The following SNX13 variants were observed in gnomAD, a reference collection of about 807,000 sequenced individuals.
SNX13 encodes the protein sorting nexin-13.
SNX13 carries 45 observed loss-of-function variants against 133.6 expected under a neutral mutation model. That is an observed-to-expected ratio of 0.34 (90% CI 0.27 to 0.43). SNX13 has a LOEUF of 0.43. Ranked by LOEUF, SNX13 falls within the 20% of genes least tolerant of loss-of-function variation. SNX13 has a pLI of 1.00. For synonymous variants in SNX13, 414 were observed against 373.9 expected (o/e 1.11, Z -1.24); for missense variants, 1,032 against 1,145.1 (o/e 0.90, Z 1.43).
intron 9 of SNX13, 32 bp from the exon 10 acceptor site, chr7:17,850,996 G>A (rs1459197068): frequency 6.4e-7 from 1 of 1,573,986 alleles, no homozygotes; most frequent in Non-Finnish European, 8.6e-7. Flanking sequence ...ACAGGTGGGA[G>A]AGGAACTCAC....
intron 25 of SNX13, chr7:17,795,505 G>A (rs142464719): frequency 6.6e-6 from 1 of 151,540 alleles, no homozygotes; most frequent in Non-Finnish European, 1.5e-5. Context: ...GGCCTGCCCT[G>A]GCCACCCCAT....
intron 11 of SNX13, among the ~76,000 whole-genome samples, chr7:17,846,109 C>T (rs377663522): frequency 6.6e-6 from 1 of 151,972 alleles, no homozygotes; most frequent in Admixed American, 6.5e-5. Flanking sequence ...ACAAAATATG[C>T]CTAAAGAGTA....
intron 1 of SNX13, among the ~76,000 whole-genome samples, chr7:17,900,942 C>G (rs1797764504): frequency 6.6e-6 from 1 of 152,106 alleles, no homozygotes; most frequent in African/African-American, 2.4e-5. Context: ...CAGCATGTCT[C>G]TGAATCTCAC....
intron 9 of SNX13, among the ~76,000 whole-genome samples, chr7:17,859,739 G>T (rs1013285214): frequency 6.6e-6 from 1 of 152,124 alleles, no homozygotes; most frequent in African/African-American, 2.4e-5. Flanking sequence ...TACTCAAAGA[G>T]GGATCATGCA....
At chr7:17,859,556 T>G (rs1448642482) in intron 9 of SNX13, among the ~76,000 whole-genome samples, 2 of 152,094 alleles carry the variant, frequency 1.3e-5, no homozygotes, top group Non-Finnish European at 2.9e-5. Context: ...AACATAAAAT[T>G]TATCACCTTA....
chr7:17,924,262 C>T (rs925880709), intron 1 of SNX13, among the ~76,000 whole-genome samples: 33 of 152,126 alleles, frequency 2.2e-4, no homozygotes, highest in Admixed American at 1.6e-3. Context: ...TCGAAATATA[C>T]AAAGAATTAT....
rs1215992440 is a variant in SNX13, at chr7:17,839,869, G to C, written c.1297C>G (p.Gln433Glu). 1 of 1,611,652 alleles carries C rather than the reference G, an allele frequency of 6.2e-7. No homozygotes were observed. Among genetic ancestry groups the C allele is most frequent in the East Asian group, 2.2e-5 (1 of 44,780 alleles). ...GCTGCTCTTAAAAGACCTTTGGTTT[G>C]GTTGGTTTGATGTTTTCCATCTCTC... ...RQRDGKHQTN[Q>E]TKGLLRAAAV... The change falls in exon 13 of 26, where the codon CAA (glutamine) becomes GAA (glutamate). Residue 433 changes from glutamine (Q) to glutamate (E), a missense_variant. Gln to Glu is a conservative substitution (Grantham distance 29). Transcript: ENST00000428135.
At chr7:17,900,324 A>G (rs1003581981) in intron 1 of SNX13, 22 of 152,358 alleles carry the variant, frequency 1.4e-4, no homozygotes, top group Admixed American at 1.0e-3. Context: ...GCCACTGCCT[A>G]TGTTCACTTG....
At chr7:17,799,871 T>A (rs931496057) in intron 22 of SNX13, among the ~76,000 whole-genome samples, 4 of 151,804 alleles carry the variant, frequency 2.6e-5, no homozygotes, top group African/African-American at 9.7e-5. Context: ...CACATATAAT[T>A]GTTAGTAATT....
At position 17,815,044 on chromosome 7, in the gene SNX13, A is replaced by G. The variant is rs947339103; in HGVS notation, c.1954-100T>C. ...TTTAGCTCATAAATTTTAAGAATGT[A>G]TAGTAAAAAATATTGATTTATATTT... is the stretch of plus-strand genomic sequence containing the variant. On this transcript the variant is annotated intron_variant, in intron 19 of 25. Transcript: ENST00000428135. The G allele has an allele frequency of 1.9e-4, 224 of 1,202,710 alleles. 1 individual carries two copies. Among genetic ancestry groups the G allele is most frequent in the Non-Finnish European group, 2.3e-4 (216 of 936,018 alleles). The allele number at this position is 1,202,710 out of a possible 1,614,324, so 74.5% of individuals were successfully genotyped here.
chr7:17,846,032 G>C (rs568791558), intron 11 of SNX13, among the ~76,000 whole-genome samples: 2 of 152,032 alleles, frequency 1.3e-5, no homozygotes, highest in Non-Finnish European at 2.9e-5. Flanking sequence ...GAAGGAAATG[G>C]TTAATATACG....
chr7:17,926,764 T>C (rs1800796107), intron 1 of SNX13, among the ~76,000 whole-genome samples: 1 of 152,152 alleles, frequency 6.6e-6, no homozygotes, highest in Non-Finnish European at 1.5e-5. Flanking sequence ...CACGTGCCTG[T>C]AGTCCCAGCT....
At chr7:17,897,510 C>A in intron 1 of SNX13, 64 bp from the exon 2 acceptor site, 7 of 943,056 alleles carry the variant, frequency 7.4e-6, no homozygotes, top group East Asian at 2.8e-5. Context: ...AGAAAAGAAC[C>A]AACAAAACTT....
chr7:17,852,714 T>C (rs920770551), intron 9 of SNX13, among the ~76,000 whole-genome samples: 3 of 152,176 alleles, frequency 2.0e-5, no homozygotes, highest in African/African-American at 7.2e-5. Flanking sequence ...AGGTGTATGA[T>C]AATAAGAATG....
chr7:17,896,364 T>C (rs1047358285), intron 2 of SNX13, among the ~76,000 whole-genome samples: 1 of 152,208 alleles, frequency 6.6e-6, no homozygotes. Context: ...TCTCACTTGT[T>C]CAAGCATATG....
rs1021555073 is a variant in SNX13 at position 17,793,963 on chromosome 7, C to A, written c.*82G>T. ...CACTAAAAGACTGGTGCAGACACAA[C>A]AGTATTTGAGTTAAGCCCCAGAAGA... On this transcript the variant is annotated 3_prime_UTR_variant, in exon 26 of 26. Coordinates refer to ENST00000428135, the MANE Select transcript of SNX13 (RefSeq NM_015132.5). 16 of 1,459,312 alleles carry A rather than the reference C, an allele frequency of 1.1e-5. No homozygotes were observed. The highest frequency in any genetic ancestry group is 2.7e-5 in the South Asian group (2 of 74,282). 90.4% of individuals were successfully genotyped at this position (1,459,312 alleles called of 1,614,324 possible).
intron 5 of SNX13, among the ~76,000 whole-genome samples, chr7:17,883,885 C>A (rs1300553659): frequency 6.6e-6 from 1 of 152,276 alleles, no homozygotes; most frequent in South Asian, 2.1e-4. Flanking sequence ...CATGTCCCTG[C>A]AAAGGACATG....
intron 2 of SNX13, among the ~76,000 whole-genome samples, chr7:17,896,836 C>T (rs536398014): frequency 9.2e-5 from 14 of 152,040 alleles, no homozygotes; most frequent in Non-Finnish European, 1.8e-4. Context: ...AAAACATAAA[C>T]GTACACCAAA....
At chr7:17,904,410 G>C (rs1016006818) in intron 1 of SNX13, among the ~76,000 whole-genome samples, 3 of 151,642 alleles carry the variant, frequency 2.0e-5, no homozygotes, top group African/African-American at 4.8e-5. Flanking sequence ...TTAGGCCTAG[G>C]TTATCAGTGC....
Sources: allele counts gnomAD v4.1 joint callset (sites outside exome capture counted in the v4.1 genomes callset), GRCh38; gene constraint gnomAD v4.1.1; transcripts MANE v1.5; gene names NCBI Gene and HGNC (gene_info 2026-07-23, HGNC 2026-07-21).